WASHC4: variants seen among roughly 807,000 people sequenced by gnomAD.
WASHC4 encodes the protein WASH complex subunit 4, also known as WASH complex subunit 7.
WASHC4 carries 86 observed loss-of-function variants against 166.6 expected under a neutral mutation model. The observed-to-expected ratio is 0.52, with a 90% CI of 0.43 to 0.62. WASHC4 has a LOEUF of 0.62. Ranked by LOEUF, WASHC4 falls within the 20% of genes least tolerant of loss-of-function variation. The pLI, the probability that WASHC4 is intolerant of heterozygous loss-of-function variation, is 0.00. For missense variants in WASHC4, 1,262 were observed against 1,382.4 expected (o/e 0.91, Z 1.38); for synonymous variants, 446 against 451.6 (o/e 0.99, Z 0.16).
Position 105,152,568 on chromosome 12 carries a change from C to T in WASHC4, c.2758+117C>T, listed in dbSNP as rs1883852476. The T allele has an allele frequency of 9.9e-6, 7 of 704,994 alleles. No individual in the cohort carries two copies. The East Asian group carries it at 1.1e-4, about 11-fold the overall frequency. 43.7% of individuals were successfully genotyped at this position (704,994 alleles called of 1,614,324 possible). A position where few individuals can be genotyped will look rare whatever the true frequency, so the allele number is the denominator to read the frequency against. On this transcript the variant is annotated intron_variant, in intron 26 of 32. Transcript: ENST00000332180. ...TGAAAGCCTGAGCTCAGCTTTACTC[C>T]ACTCATGTAATTTTTTTACCCCCAA...
At chr12:105,139,886 GTT>G (rs1175367513) in intron 15 of WASHC4, among the ~76,000 whole-genome samples, 4 of 142,522 alleles carry the variant, frequency 2.8e-5, no homozygotes, top group African/African-American at 5.1e-5. Context: ...TACTTTGTAA[GTT>G]TTTTTTTTTT....
At chr12:105,125,936 A>T in intron 10 of WASHC4, 68 bp from the exon 11 acceptor site, 1 of 1,436,400 alleles carries the variant, frequency 7.0e-7, no homozygotes, top group Non-Finnish European at 9.7e-7. Context: ...TATTTAGTGT[A>T]TGATATTTAA....
Position 105,140,166 on chromosome 12 carries a change from A to G in WASHC4, c.1453-128A>G. Reference sequence around the variant, plus strand: ...GATTACAGGCGTGAGCCACCACGCCAGGACTGTAAGGTTTTTTTGTATCTC... The same window carrying G: ...GATTACAGGCGTGAGCCACCACGCCGGGACTGTAAGGTTTTTTTGTATCTC... On this transcript the variant is annotated intron_variant, in intron 15 of 32. Coordinates refer to ENST00000332180, the MANE Select transcript of WASHC4 (RefSeq NM_015275.3). 7 of 731,038 alleles carry G rather than the reference A, an allele frequency of 9.6e-6. No individual in the cohort carries two copies. In the South Asian group the frequency reaches 1.0e-4, roughly 11 times the overall value. 45.3% of individuals were successfully genotyped at this position (731,038 alleles called of 1,614,324 possible).
chr12:105,134,762 A>G (rs770154753), intron 14 of WASHC4, among the ~76,000 whole-genome samples: 3 of 150,234 alleles, frequency 2.0e-5, no homozygotes, highest in Non-Finnish European at 4.4e-5. Context: ...TTTTTCTCCT[A>G]TCTGATAATC....
At chr12:105,125,868 C>A (rs1037629734) in intron 10 of WASHC4, 136 bp from the exon 11 acceptor site, 7 of 795,096 alleles carry the variant, frequency 8.8e-6, no homozygotes, top group African/African-American at 8.7e-5. Context: ...AGATTAAGAA[C>A]CTGAGCTTTA....
rs888023971 is a variant in WASHC4 at position 105,168,485 on chromosome 12, C to G, written c.*1554C>G. ...TTGCATTTGATTATATCAAATTCGT[C>G]ATTTCATAGCAACAGTATTGTTTTC... On this transcript the variant is annotated 3_prime_UTR_variant, in exon 33 of 33. Coordinates refer to ENST00000332180, the MANE Select transcript of WASHC4 (RefSeq NM_015275.3). 2.0e-5 allele frequency: 3 copies of G among 152,304 alleles called. No individual in the cohort carries two copies. Among genetic ancestry groups the G allele is most frequent in the African/African-American group, 7.2e-5 (3 of 41,396 alleles). The allele number at this position is 152,304 out of a possible 1,614,324, so 9.4% of individuals were successfully genotyped here.
At chr12:105,147,939 A>G in intron 24 of WASHC4, 7 of 984,904 alleles carry the variant, frequency 7.1e-6, no homozygotes, top group Non-Finnish European at 8.4e-6. Flanking sequence ...CGAAATGGGC[A>G]TTCACTTGAA....
chr12:105,129,916 G>A (rs1187490345), intron 13 of WASHC4, among the ~76,000 whole-genome samples: 1 of 152,186 alleles, frequency 6.6e-6, no homozygotes, highest in African/African-American at 2.4e-5. Flanking sequence ...GCATGTAACA[G>A]CCTTCCGGCA....
rs762367368 is a variant in WASHC4 at position 105,140,969 on chromosome 12, A to G, written c.1631A>G (p.Glu544Gly). Reference protein sequence around the residue: ...LDVLSALVLAENTLNGPSTKQ... With the variant: ...LDVLSALVLAGNTLNGPSTKQ... ...GTGCTCTCTGCTCTAGTTTTGGCTG[A>G]AAACACTCTAAATGGACCAAGCACA... Residue 544 changes from glutamate to glycine, a missense_variant, in exon 17 of 33, where the codon GAA (glutamate) becomes GGA (glycine). By Grantham distance (98) the Glu-to-Gly change is moderately conservative (BLOSUM62 -2). Transcript: ENST00000332180. 6.8e-6 allele frequency: 11 copies of G among 1,614,084 alleles called. No homozygotes were observed. The East Asian group carries it at 2.5e-4, about 36-fold the overall frequency.
chr12:105,152,952 A>G (rs1395772066), intron 26 of WASHC4, among the ~76,000 whole-genome samples: 2 of 152,234 alleles, frequency 1.3e-5, no homozygotes, highest in Non-Finnish European at 2.9e-5. Context: ...TTTAAAAGTA[A>G]GAACTACATT....
At chr12:105,113,132 AG>A in intron 2 of WASHC4, among the ~76,000 whole-genome samples, 1 of 152,182 alleles carries the variant, frequency 6.6e-6, no homozygotes, top group Middle Eastern at 3.4e-3. Flanking sequence ...TGTAAGTTAT[AG>A]GAACTCTACT....
intron 7 of WASHC4, among the ~76,000 whole-genome samples, chr12:105,120,077 A>G (rs983524721): frequency 6.6e-6 from 1 of 152,226 alleles, no homozygotes; most frequent in African/African-American, 2.4e-5. Context: ...CACAAAAAGG[A>G]AAAACAAAAC....
chr12:105,147,731 C>T (rs932752187), intron 24 of WASHC4: 3 of 352,804 alleles, frequency 8.5e-6, no homozygotes, highest in Non-Finnish European at 1.2e-5. Flanking sequence ...CATGGAGAAA[C>T]CCCATCTCTA....
At position 105,164,232 on chromosome 12, in the gene WASHC4, A is replaced by G. The variant is rs1294337683; in HGVS notation, c.3279A>G (p.Val1093=). 3 of 1,614,032 alleles carry G rather than the reference A, an allele frequency of 1.9e-6. No individual in the cohort carries two copies. In the African/African-American group the frequency reaches 4.0e-5, roughly 22 times the overall value. Residue 1093 remains valine, a synonymous_variant, in exon 31 of 33, where the codon GTA becomes GTG. Transcript: ENST00000332180. ...GAGCAGTTGCTAAGCAACAGAATGT[A>G]CAGTCAGCCAGTCAAGATGAAAAAC... ...EIRAVAKQQN[V]QSASQDEKLL...
In WASHC4 at chr12:105,168,657, A is replaced by T. The variant is rs1388967013; in HGVS notation, c.*1726A>T. On this transcript the variant is annotated 3_prime_UTR_variant, in exon 33 of 33. Coordinates refer to ENST00000332180, the MANE Select transcript of WASHC4 (RefSeq NM_015275.3). ...AATACTAGATAGAGTTCACATGCTG[A>T]CTCCCTGGATACCTACAGTTGAGAA... is the stretch of plus-strand genomic sequence containing the variant. 1 of 151,772 alleles carries T rather than the reference A, an allele frequency of 6.6e-6. No homozygotes were observed. Among genetic ancestry groups the T allele is most frequent in the African/African-American group, 2.4e-5 (1 of 41,330 alleles). The allele number at this position is 151,772 out of a possible 1,614,324, so 9.4% of individuals were successfully genotyped here.
At chr12:105,128,409 A>G (rs900049372) in intron 13 of WASHC4, among the ~76,000 whole-genome samples, 6 of 152,194 alleles carry the variant, frequency 3.9e-5, no homozygotes, top group Non-Finnish European at 4.4e-5. Flanking sequence ...AAATGTGTGT[A>G]TTTTAGTTCT....
chr12:105,148,971 GC>G (rs533184468), intron 24 of WASHC4: 1 of 984,500 alleles, frequency 1.0e-6, no homozygotes, highest in South Asian at 4.7e-5. Flanking sequence ...TATTGTCAAA[GC>G]ACACATGTAC....
chr12:105,167,071 C>T lies in WASHC4; in HGVS notation c.*140C>T. 1.5e-6 allele frequency: 1 copy of T among 670,014 alleles called. No homozygotes were observed. Among genetic ancestry groups the T allele is most frequent in the Non-Finnish European group, 2.7e-6 (1 of 369,784 alleles). The allele number at this position is 670,014 out of a possible 1,614,324, so 41.5% of individuals were successfully genotyped here. A position where few individuals can be genotyped will look rare whatever the true frequency, so the allele number is the denominator to read the frequency against. ...GATGTTACAGTTCTTAAAGGCAGTG[C>T]TTTAAAGTGAAGTTCATTCTGTTTC... On this transcript the variant is annotated 3_prime_UTR_variant, in exon 33 of 33. Coordinates refer to ENST00000332180, the MANE Select transcript of WASHC4 (RefSeq NM_015275.3).
At chr12:105,164,333 C>A in intron 31 of WASHC4, 26 bp downstream of exon 31, 8 of 1,580,830 alleles carry the variant, frequency 5.1e-6, no homozygotes, top group Non-Finnish European at 7.0e-6. Context: ...AGAGTCACAT[C>A]TGCTTTGACT....
Sources: gnomAD v4.1 joint callset for allele counts (sites outside exome capture counted in the v4.1 genomes callset) on GRCh38, gnomAD v4.1.1 for gene constraint, MANE v1.5 for transcripts, NCBI Gene and HGNC (gene_info 2026-07-23, HGNC 2026-07-21) for gene names.